Variants in NOM1 observed in about 807,000 individuals in gnomAD.
The protein encoded by NOM1 is nucleolar MIF4G domain-containing protein 1.
NOM1 carries 58 observed loss-of-function variants against 73.3 expected under a neutral mutation model. That is an observed-to-expected ratio of 0.79 (90% CI 0.64 to 0.99). NOM1 has a LOEUF of 0.99. NOM1 is among the 50% of genes least tolerant of loss of function. The pLI is 0.00. For missense variants in NOM1, 1,226 were observed against 1,131.9 expected (o/e 1.08, Z -1.19); for synonymous variants, 487 against 446.8 (o/e 1.09, Z -1.14).
At chr7:156,954,469 G>A (rs1056205067) in intron 3 of NOM1, among the ~76,000 whole-genome samples, 171 bp downstream of exon 3, 1 of 145,148 alleles carries the variant, frequency 6.9e-6, no homozygotes, top group African/African-American at 2.6e-5. Flanking sequence ...GAGCATTCAG[G>A]AAGTACTTGA....
Position 156,969,724 on chromosome 7 carries a change from G to A in NOM1, c.*21G>A. On this transcript the variant is annotated 3_prime_UTR_variant, in exon 11 of 11. Coordinates refer to ENST00000275820, the MANE Select transcript of NOM1 (RefSeq NM_138400.2). ...TGTAGTCAGGGAAGGAAGGAGGGCA[G>A]GTGGCCCTTTGACTGTAAAATGTCC... 1 of 1,590,286 alleles carries A rather than the reference G, an allele frequency of 6.3e-7. No individual in the cohort carries two copies. The highest frequency in any genetic ancestry group is 1.3e-5 in the African/African-American group (1 of 74,446).
chr7:156,968,320 A>G (rs891713166), intron 9 of NOM1, among the ~76,000 whole-genome samples: 5 of 151,990 alleles, frequency 3.3e-5, no homozygotes, highest in African/African-American at 1.2e-4. Context: ...AGAGCTTTAG[A>G]GATGCCCCCC....
chr7:156,972,198 A>G lies in NOM1; in HGVS notation c.*2495A>G, dbSNP rs1028661527. Reference sequence around the variant, plus strand: ...ATGCAAGCCCCCAACCTCACGGACCAAGAGGATCCCTGGCTGCCTGTGAAT... The same window carrying G: ...ATGCAAGCCCCCAACCTCACGGACCGAGAGGATCCCTGGCTGCCTGTGAAT... On this transcript the variant is annotated 3_prime_UTR_variant, in exon 11 of 11. Coordinates refer to ENST00000275820, the MANE Select transcript of NOM1 (RefSeq NM_138400.2). 6.6e-6 allele frequency: 1 copy of G among 152,252 alleles called. No individual in the cohort carries two copies. Among genetic ancestry groups the G allele is most frequent in the Non-Finnish European group, 1.5e-5 (1 of 68,050 alleles). The allele number at this position is 152,252 out of a possible 1,614,324, so 9.4% of individuals were successfully genotyped here. A position where few individuals can be genotyped will look rare whatever the true frequency, so the allele number is the denominator to read the frequency against.
chr7:156,950,353 T>C lies in NOM1; in HGVS notation c.616T>C (p.Ser206Pro). 1 of 1,614,138 alleles carries C rather than the reference T, an allele frequency of 6.2e-7. No individual in the cohort carries two copies. The highest frequency in any genetic ancestry group is 8.5e-7 in the Non-Finnish European group (1 of 1,180,010). ...GCGCAAAAAGAAGGACGGCAGCAGC[T>C]CCGTGCCGCTGAGCTTTGCACGCGA... The part of the protein sequence containing the change: ...NKRKKKDGSS[S>P]VPLSFARDGL... The change falls in exon 1 of 11, where the codon TCC (serine) becomes CCC (proline). Residue 206 changes from serine (S) to proline (P), a missense_variant. Transcript: ENST00000275820.
chr7:156,955,790 A>G (rs141762203), intron 3 of NOM1, among the ~76,000 whole-genome samples: 10 of 152,362 alleles, frequency 6.6e-5, no homozygotes, highest in African/African-American at 2.4e-4. Context: ...TTCTACTGCA[A>G]TGCTAGTCAC....
At chr7:156,952,105 T>G (rs1171081930) in intron 1 of NOM1, among the ~76,000 whole-genome samples, 1 of 152,246 alleles carries the variant, frequency 6.6e-6, no homozygotes, top group Non-Finnish European at 1.5e-5. Flanking sequence ...TTGTTTAATT[T>G]AGGTTCTTGT....
chr7:156,966,309 C>T lies in NOM1; in HGVS notation c.2073C>T (p.His691=), dbSNP rs1459179239. ...LKDQQEREII[H]VLMDCCLQEK... ...ATCAGCAGGAGAGAGAAATCATTCA[C>T]GTTCTCATGGATTGCTGCCTTCAAG... Residue 691 remains histidine, a synonymous_variant, in exon 8 of 11, where the codon CAC becomes CAT. Coordinates refer to ENST00000275820, the MANE Select transcript of NOM1 (RefSeq NM_138400.2). The T allele has an allele frequency of 2.2e-5, 35 of 1,614,018 alleles. No individual in the cohort carries two copies. The highest frequency in any genetic ancestry group is 5.0e-5 in the Admixed American group (3 of 60,008).
intron 7 of NOM1, chr7:156,964,376 G>T: frequency 6.3e-6 from 1 of 159,912 alleles, no homozygotes; most frequent in Admixed American, 6.3e-5. Flanking sequence ...TGGTTGTCAC[G>T]AATTGCTTAA....
intron 3 of NOM1, among the ~76,000 whole-genome samples, chr7:156,957,774 C>CA (rs10549596): frequency 0.09 from 10,294 of 113,996 alleles, 1,089 homozygotes; most frequent in African/African-American, 0.1. Context: ...GACTCCGTCT[C>CA]AAAAAAAAAA....
rs372762137 is a variant in NOM1, at chr7:156,971,422, C to CT, written c.*1720dup. The CT allele has an allele frequency of 6.6e-6, 1 of 152,380 alleles. No individual in the cohort carries two copies. The highest frequency in any genetic ancestry group is 2.4e-5 in the African/African-American group (1 of 41,588). 9.4% of individuals were successfully genotyped at this position (152,380 alleles called of 1,614,324 possible). On this transcript the variant is annotated 3_prime_UTR_variant, in exon 11 of 11. Transcript: ENST00000275820. ...TTTTTAAGAGAGAGACAGGCTCACT[C>CT]TGTCACCCAGGCCAGAGTGCAGTGG...
chr7:156,966,681 CA>C (rs1805007246), intron 8 of NOM1, among the ~76,000 whole-genome samples: 1 of 152,190 alleles, frequency 6.6e-6, no homozygotes, highest in African/African-American at 2.4e-5. Flanking sequence ...GTTCACAGTG[CA>C]CCAGTCTGTT....
Position 156,969,686 on chromosome 7 carries a change from G to A in NOM1, c.2566G>A (p.Ala856Thr), listed in dbSNP as rs199709097. 42 of 1,610,290 alleles carry A rather than the reference G, an allele frequency of 2.6e-5. No homozygotes were observed. The highest frequency in any genetic ancestry group is 3.3e-5 in the Admixed American group (2 of 59,798). Residue 856 changes from alanine (A) to threonine (T), a missense_variant, in exon 11 of 11, where the codon GCT becomes ACT. Ala to Thr is a moderately conservative substitution (Grantham distance 58). Coordinates refer to ENST00000275820, the MANE Select transcript of NOM1 (RefSeq NM_138400.2). ...DLATKCLQGK[A>T]SLRM ...TGCAACGAAGTGTCTGCAAGGAAAA[G>A]CTTCCCTGAGAATGTAGTCAGGGAA...
chr7:156,962,046 G>A (rs759562479), intron 4 of NOM1, 105 bp from the exon 5 acceptor site: 20 of 838,166 alleles, frequency 2.4e-5, no homozygotes, highest in Middle Eastern at 2.3e-4. Flanking sequence ...GTATCGTGGC[G>A]GTGGCGGCCA....
In NOM1 at chr7:156,959,704, G is replaced by A. The variant is rs866966191; in HGVS notation, c.1309-147G>A. The A allele has an allele frequency of 2.3e-5, 17 of 730,484 alleles. No individual in the cohort carries two copies. In the Middle Eastern group the frequency reaches 8.2e-4, roughly 35 times the overall value. The allele number at this position is 730,484 out of a possible 1,614,324, so 45.3% of individuals were successfully genotyped here. ...GCGTCCAGGCTGGGGCACTCTGGCC[G>A]GCTGCTCTGGGTTGCCGAGGGATGC... On this transcript the variant is annotated intron_variant, in intron 3 of 10. Coordinates refer to ENST00000275820, the MANE Select transcript of NOM1 (RefSeq NM_138400.2).
At chr7:156,952,831 A>G (rs909528475) in intron 2 of NOM1, among the ~76,000 whole-genome samples, 1 of 152,098 alleles carries the variant, frequency 6.6e-6, no homozygotes, top group African/African-American at 2.4e-5. Flanking sequence ...AAATGCTCAC[A>G]TTGTTATTCT....
intron 3 of NOM1, among the ~76,000 whole-genome samples, chr7:156,956,891 C>T (rs1804738096): frequency 6.6e-6 from 1 of 152,134 alleles, no homozygotes; most frequent in African/African-American, 2.4e-5. Context: ...TTTCTTGGTA[C>T]CTCCCTGTCC....
At chr7:156,966,057 CTGACAT>C (rs1316087303) in intron 7 of NOM1, 28 of 593,154 alleles carry the variant, frequency 4.7e-5, no homozygotes, top group Non-Finnish European at 1.5e-5. Flanking sequence ...CTTGTCTCCT[CTGACAT>C]TTTGCCACAT....
At position 156,963,935 on chromosome 7, in the gene NOM1, A is replaced by G. The variant is rs1302823790; in HGVS notation, c.1942A>G (p.Lys648Glu). 5 of 1,614,160 alleles carry G rather than the reference A, an allele frequency of 3.1e-6. No individual in the cohort carries two copies. The East Asian group carries it at 8.9e-5, about 29-fold the overall frequency. ...VSSKILELAR[K>E]QRMNTDIRRN... Reference sequence around the variant, plus strand: ...TTCAAAGATCCTAGAACTCGCCCGGAAGCAGAGGATGAACACAGACATCCG... The same window carrying G: ...TTCAAAGATCCTAGAACTCGCCCGGGAGCAGAGGATGAACACAGACATCCG... The change falls in exon 7 of 11, where the codon AAG (lysine) becomes GAG (glutamate). Residue 648 changes from lysine to glutamate, a missense_variant. Lys to Glu is a moderately conservative substitution (Grantham distance 56). Coordinates refer to ENST00000275820, the MANE Select transcript of NOM1 (RefSeq NM_138400.2).
intron 2 of NOM1, among the ~76,000 whole-genome samples, chr7:156,953,018 T>G (rs1203001781): frequency 6.6e-6 from 1 of 152,238 alleles, no homozygotes; most frequent in Non-Finnish European, 1.5e-5. Context: ...TTTAAAAAAC[T>G]GATTGGAAAC....
Sources: gnomAD v4.1 joint callset for allele counts (sites outside exome capture counted in the v4.1 genomes callset) on GRCh38, gnomAD v4.1.1 for gene constraint, MANE v1.5 for transcripts, NCBI Gene and HGNC (gene_info 2026-07-23, HGNC 2026-07-21) for gene names.